Variants in CDH3 observed in about 807,000 individuals in gnomAD.
CDH3 encodes cadherin-3.
Under a neutral mutation model 82.0 loss-of-function variants are expected in CDH3, and 54 were observed. The ratio of observed to expected loss-of-function variants is 0.66; its 90% CI spans 0.53 to 0.83. The LOEUF (loss-of-function observed/expected upper bound fraction) is 0.83. Among genes scored for constraint, CDH3 ranks in the 40% least tolerant of loss-of-function variants. The pLI is 0.00. For missense variants in CDH3, 1,054 were observed against 1,084.6 expected (o/e 0.97, Z 0.40); for synonymous variants, 446 against 437.9 (o/e 1.02, Z -0.23).
At chr16:68,666,773 C>G (rs1056997524) in intron 2 of CDH3, among the ~76,000 whole-genome samples, 1 of 152,156 alleles carries the variant, frequency 6.6e-6, no homozygotes, top group African/African-American at 2.4e-5. Context: ...TTTTTCCCCC[C>G]TCTGCAAAAT....
rs1457599225 is a variant in CDH3 at position 68,651,727 on chromosome 16, G to A, written c.160+5977G>A. 6 of 512,574 alleles carry A rather than the reference G, an allele frequency of 1.2e-5. No individual in the cohort carries two copies. In the Admixed American group the frequency reaches 1.3e-4, roughly 11 times the overall value. 31.8% of individuals were successfully genotyped at this position (512,574 alleles called of 1,614,324 possible). On this transcript the variant is annotated intron_variant, in intron 2 of 15. Transcript: ENST00000264012. ...AGCTGGTGCCAGTTCTGCATGGAGT[G>A]GTTGATCTAGGGGACTGAGCCTGGC...
At chr16:68,711,554 G>T (rs1305752667) in intron 1 of CDH3, among the ~76,000 whole-genome samples, 2 of 152,104 alleles carry the variant, frequency 1.3e-5, no homozygotes, top group Non-Finnish European at 2.9e-5. Flanking sequence ...TGCCAGGGAC[G>T]GTATGGTGCC....
chr16:68,722,901 C>G (rs768354400), intron 2 of CDH3, among the ~76,000 whole-genome samples: 1 of 152,092 alleles, frequency 6.6e-6, no homozygotes, highest in Non-Finnish European at 1.5e-5. Flanking sequence ...TCCAGGGATT[C>G]TCCTGCCTCA....
At chr16:68,716,040 G>T (rs1172281110) in intron 1 of CDH3, among the ~76,000 whole-genome samples, 1 of 152,046 alleles carries the variant, frequency 6.6e-6, no homozygotes, top group Non-Finnish European at 1.5e-5. Flanking sequence ...AGGCTGAGGC[G>T]GGTGGATCAC....
Position 68,697,992 on chromosome 16 carries a change from C to T in CDH3, c.2281-199C>T, listed in dbSNP as rs144629959. The T allele has an allele frequency of 7.2e-5, 47 of 651,042 alleles. No individual in the cohort carries two copies. In the African/African-American group the frequency reaches 7.8e-4, roughly 11 times the overall value. 40.3% of individuals were successfully genotyped at this position (651,042 alleles called of 1,614,324 possible). A position where few individuals can be genotyped will look rare whatever the true frequency, so the allele number is the denominator to read the frequency against. ...TGATTTCAGTCCTTGCCCTTACCCCCTGGCCTGTGTTGCACTGAGCACTTG... is the reference window on the plus strand; with the variant it reads ...TGATTTCAGTCCTTGCCCTTACCCCTTGGCCTGTGTTGCACTGAGCACTTG... On this transcript the variant is annotated intron_variant, in intron 15 of 15. Coordinates refer to ENST00000264012, the MANE Select transcript of CDH3 (RefSeq NM_001793.6).
downstream of CDH3, among the ~76,000 whole-genome samples, chr16:68,703,039 G>A (rs1961916052): frequency 6.6e-6 from 1 of 152,192 alleles, no homozygotes; most frequent in Admixed American, 6.5e-5. Context: ...CTCAAAAGAT[G>A]GCACTCCCTA....
rs1053782541 is a variant in CDH3, at chr16:68,706,100, T to G, written c.99+10177T>G. Among the ~76,000 whole-genome samples the G allele has an allele frequency of 6.1e-5, 9 of 147,630 alleles. 1 individual carries two copies. In the Middle Eastern group the frequency reaches 0.022, roughly 357 times the overall value. On this transcript the variant is annotated intron_variant, in intron 1 of 2. Coordinates refer to the CDH3 transcript ENST00000569080. ...AAAAAAAAAGAGCCCAGCACTAACA[T>G]GGGGGCTGCAGGTAGATATATGTGT...
At chr16:68,688,999 T>C (rs563351431) in intron 12 of CDH3, among the ~76,000 whole-genome samples, 1 of 152,250 alleles carries the variant, frequency 6.6e-6, no homozygotes, top group East Asian at 1.9e-4. Context: ...CAAAACCCAG[T>C]GTTATTAATA....
chr16:68,697,419 T>G (rs1425375495), intron 15 of CDH3, among the ~76,000 whole-genome samples: 3 of 152,178 alleles, frequency 2.0e-5, no homozygotes, highest in Non-Finnish European at 4.4e-5. Flanking sequence ...GGATTATAGA[T>G]CCCAGGTGAT....
At position 68,653,846 on chromosome 16, in the gene CDH3, C is replaced by A. The variant is rs190561371; in HGVS notation, c.160+8096C>A. ...CTGGGACTACAGGCGCCCGCAACCA[C>A]GCCCGGCTAATTTTTTGTATTTTTA... is the stretch of plus-strand genomic sequence containing the variant. On this transcript the variant is annotated intron_variant, in intron 2 of 15. Transcript: ENST00000264012. Among the ~76,000 whole-genome samples the A allele has an allele frequency of 4.6e-5, 7 of 151,430 alleles. No individual in the cohort carries two copies. In the East Asian group the frequency reaches 1.4e-3, roughly 30 times the overall value.
chr16:68,675,000 C>T (rs1466706993), intron 2 of CDH3, among the ~76,000 whole-genome samples: 2 of 151,974 alleles, frequency 1.3e-5, no homozygotes, highest in Non-Finnish European at 2.9e-5. Context: ...ATAGTCTCAG[C>T]TAGTCGGGAG....
chr16:68,676,363 T>A (rs1481586480), intron 2 of CDH3, 22 bp from the exon 3 acceptor site: 1 of 1,579,574 alleles, frequency 6.3e-7, no homozygotes, highest in Non-Finnish European at 8.7e-7. Flanking sequence ...TTCCTAATGC[T>A]CTCTCTTCCC....
intron 2 of CDH3, among the ~76,000 whole-genome samples, chr16:68,665,906 C>T (rs564235963): frequency 1.3e-3 from 203 of 152,118 alleles, no homozygotes; most frequent in African/African-American, 4.6e-3. Flanking sequence ...TTTTTCTAGT[C>T]GGGGGAAAAA....
At chr16:68,697,455 C>T (rs1244902223) in intron 15 of CDH3, among the ~76,000 whole-genome samples, 1 of 152,098 alleles carries the variant, frequency 6.6e-6, no homozygotes, top group African/African-American at 2.4e-5. Flanking sequence ...AAGTTTGGAG[C>T]CTCTGCTGTA....
intron 1 of CDH3, among the ~76,000 whole-genome samples, chr16:68,714,238 A>T (rs1451392825): frequency 1.3e-5 from 2 of 152,088 alleles, no homozygotes; most frequent in Non-Finnish European, 2.9e-5. Context: ...CCAGCCCCCC[A>T]GTTAGATCTT....
At chr16:68,667,262 A>G (rs2152095349) in intron 2 of CDH3, among the ~76,000 whole-genome samples, 1 of 152,242 alleles carries the variant, frequency 6.6e-6, no homozygotes, top group East Asian at 1.9e-4. Flanking sequence ...AGCTATAAGG[A>G]CAAATTTGTT....
chr16:68,648,639 C>T (rs746406561), intron 2 of CDH3, among the ~76,000 whole-genome samples: 1 of 151,966 alleles, frequency 6.6e-6, no homozygotes, highest in Non-Finnish European at 1.5e-5. Context: ...TTTCTAGAGA[C>T]GGGGTCTCAC....
chr16:68,712,038 T>TTTC (rs149421279), intron 1 of CDH3, among the ~76,000 whole-genome samples: 21 of 1,430 alleles, frequency 0.015, no homozygotes, highest in Admixed American at 0.13. Flanking sequence ...TTTTGTTTTC[T>TTTC]TTTTTTTTTT....
chr16:68,708,488 G>A (rs926575369), intron 1 of CDH3, among the ~76,000 whole-genome samples: 6 of 151,960 alleles, frequency 3.9e-5, no homozygotes, highest in Admixed American at 6.6e-5. Flanking sequence ...ATTTCTCTCG[G>A]CTCCCTCACG....
Sources: gnomAD v4.1 joint callset for allele counts (sites outside exome capture counted in the v4.1 genomes callset) on GRCh38, gnomAD v4.1.1 for gene constraint, MANE v1.5 for transcripts, NCBI Gene and HGNC (gene_info 2026-07-23, HGNC 2026-07-21) for gene names.